Variants in CZIB observed in about 807,000 individuals in gnomAD.
CZIB encodes the protein UPF0587 protein C1orf123.
In CZIB, 26 loss-of-function variants were observed where a neutral mutation model predicts 28.3. The observed-to-expected ratio is 0.92, with a 90% CI of 0.67 to 1.27. The LOEUF is 1.27. CZIB is among the 50% of genes most tolerant of loss of function. CZIB has a pLI of 0.00. For synonymous variants in CZIB, 78 were observed against 71.1 expected (o/e 1.10, Z -0.49); for missense variants, 179 against 197.3 (o/e 0.91, Z 0.56).
chr1:53,217,695 A>C (rs1645482962), intron 5 of CZIB: 1 of 156,666 alleles, frequency 6.4e-6, no homozygotes, highest in African/African-American at 2.4e-5. Context: ...GGCACAACTC[A>C]AGATACTTTA....
intron 2 of CZIB, 44 bp downstream of exon 2, chr1:53,220,217 G>A: frequency 1.3e-6 from 2 of 1,551,772 alleles, no homozygotes; most frequent in Non-Finnish European, 1.8e-6. Flanking sequence ...TCAGCACTGA[G>A]ATCAGGACGG....
At chr1:53,216,357 A>G (rs1645473037) in intron 6 of CZIB, among the ~76,000 whole-genome samples, 1 of 152,206 alleles carries the variant, frequency 6.6e-6, no homozygotes, top group South Asian at 2.1e-4. Flanking sequence ...GTTGGACCTT[A>G]GTTATTGATA....
At position 53,220,585 on chromosome 1, in the gene CZIB, C is replaced by G. The variant is rs1430086515; in HGVS notation, c.-10G>C. Reference sequence around the variant, plus strand: ...CTCCCCTCACCCCCATGGTAGCCCTCTCCGCCCGGTGCTGGCTGCGGCCCT... The same window carrying G: ...CTCCCCTCACCCCCATGGTAGCCCTGTCCGCCCGGTGCTGGCTGCGGCCCT... On this transcript the variant is annotated 5_prime_UTR_variant, in exon 1 of 8. Transcript: ENST00000294360. 6 of 1,597,848 alleles carry G rather than the reference C, an allele frequency of 3.8e-6. No homozygotes were observed. The Admixed American group carries it at 6.7e-5, about 18-fold the overall frequency.
Position 53,218,179 on chromosome 1 carries a change from G to T in CZIB, c.254C>A (p.Pro85His), listed in dbSNP as rs745990853. ...SIEILSSTIK[P>H]YNAEDNENFK... ...CTACAGCAGCAAACTTACATTGTAA[G>T]GCTTGATGGTGCTGCTTAAAATCTC... Residue 85 changes from proline (P) to histidine (H), a missense_variant, in exon 5 of 8, where the codon CCT becomes CAT. Pro to His is a moderately conservative substitution (Grantham distance 77, BLOSUM62 -2). Transcript: ENST00000294360. 1 of 1,614,152 alleles carries T rather than the reference G, an allele frequency of 6.2e-7. No individual in the cohort carries two copies. Among genetic ancestry groups the T allele is most frequent in the African/African-American group, 1.3e-5 (1 of 75,032 alleles).
Position 53,220,564 on chromosome 1 carries a change from C to T in CZIB, c.6+6G>A. The stretch of plus-strand genomic sequence containing the variant: ...CGTGTCCCCGCGGCGGGCGGCCTCC[C>T]CTCACCCCCATGGTAGCCCTCTCCG... On this transcript the variant is annotated splice_donor_region_variant and intron_variant, in intron 1 of 7. Transcript: ENST00000294360. The T allele has an allele frequency of 1.3e-6, 2 of 1,599,136 alleles. No homozygotes were observed. Among genetic ancestry groups the T allele is most frequent in the Middle Eastern group, 1.8e-4 (1 of 5,530 alleles).
intron 6 of CZIB, 81 bp downstream of exon 6, chr1:53,216,701 C>A: frequency 1.6e-6 from 2 of 1,249,628 alleles, no homozygotes; most frequent in South Asian, 1.2e-5. Flanking sequence ...TCCATGGTAT[C>A]TGTAGGTAGC....
At chr1:53,220,427 G>A in intron 1 of CZIB, 83 bp from the exon 2 acceptor site, 1 of 1,575,650 alleles carries the variant, frequency 6.3e-7, no homozygotes. Flanking sequence ...TCCCAGCCGT[G>A]GGTGCCACAG....
rs1645492097 is a variant in CZIB, at chr1:53,218,872, G to A, written c.142C>T (p.Leu48=). Residue 48 remains leucine (L), a synonymous_variant, in exon 3 of 8, where the codon CTG becomes TTG. Coordinates refer to ENST00000294360, the MANE Select transcript of CZIB (RefSeq NM_017887.3). ...EISDKWQYIR[L]MDSVALKGGR... ...GTTGGGCGGGGAACAGTTACCATCA[G>A]CCGGATGTACTGCCACTTGTCCGAA... The A allele has an allele frequency of 1.1e-5, 18 of 1,613,148 alleles. No individual in the cohort carries two copies. Among genetic ancestry groups the A allele is most frequent in the Non-Finnish European group, 1.5e-5 (18 of 1,179,200 alleles).
At chr1:53,218,005 G>C (rs552232153) in intron 5 of CZIB, 167 bp downstream of exon 5, 1 of 728,144 alleles carries the variant, frequency 1.4e-6, no homozygotes, top group African/African-American at 1.8e-5. Flanking sequence ...AATATACCAA[G>C]CACTCAGTGT....
intron 5 of CZIB, chr1:53,217,616 G>A (rs957822138): frequency 6.5e-6 from 1 of 153,902 alleles, no homozygotes; most frequent in Non-Finnish European, 1.4e-5. Context: ...TTTTCCACTA[G>A]ATTATTATGT....
intron 3 of CZIB, 92 bp downstream of exon 3, chr1:53,218,775 G>C: frequency 7.7e-7 from 1 of 1,299,310 alleles, no homozygotes; most frequent in Non-Finnish European, 1.1e-6. Flanking sequence ...CAAAGAACTG[G>C]AGAGATGAAG....
intron 7 of CZIB, among the ~76,000 whole-genome samples, chr1:53,215,342 A>C (rs1208962157): frequency 6.6e-6 from 1 of 152,208 alleles, no homozygotes; most frequent in Non-Finnish European, 1.5e-5. Flanking sequence ...TGTCTCAAAA[A>C]ATACATAAAA....
rs1645517147 is a variant in CZIB, at chr1:53,220,560, C to CT, written c.6+9dup. The CT allele has an allele frequency of 1.9e-6, 3 of 1,599,058 alleles. No individual in the cohort carries two copies. In the South Asian group the frequency reaches 3.3e-5, roughly 18 times the overall value. ...CCTCCGTGTCCCCGCGGCGGGCGGCCTCCCCTCACCCCCATGGTAGCCCTC... is the reference window on the plus strand; with the variant it reads ...CCTCCGTGTCCCCGCGGCGGGCGGCCTTCCCCTCACCCCCATGGTAGCCCTC... On this transcript the variant is annotated intron_variant, in intron 1 of 7. Transcript: ENST00000294360.
Position 53,218,222 on chromosome 1 carries a change from C to T in CZIB, c.230-19G>A, listed in dbSNP as rs1461828618. ...AAAATCTCTGAAATAGAAAAGAGAA[C>T]ACAAAGTTGACTTGAGTCCATACCC... On this transcript the variant is annotated intron_variant, in intron 4 of 7. Transcript: ENST00000294360. The T allele has an allele frequency of 1.2e-6, 2 of 1,614,018 alleles. No individual in the cohort carries two copies. Among genetic ancestry groups the T allele is most frequent in the Admixed American group, 1.7e-5 (1 of 60,014 alleles).
At chr1:53,218,224 C>T (rs1291339744) in intron 4 of CZIB, 21 bp from the exon 5 acceptor site, 2 of 1,613,936 alleles carry the variant, frequency 1.2e-6, no homozygotes, top group South Asian at 1.1e-5. Flanking sequence ...AAAGAGAACA[C>T]AAAGTTGACT....
In CZIB at chr1:53,220,275, G is replaced by A. The variant is rs1206138477; in HGVS notation, c.76C>T (p.Arg26Trp). 1 of 1,613,450 alleles carries A rather than the reference G, an allele frequency of 6.2e-7. No homozygotes were observed. Among genetic ancestry groups the A allele is most frequent in the East Asian group, 2.2e-5 (1 of 44,870 alleles). The change falls in exon 2 of 8, where the codon CGG becomes TGG. Residue 26 changes from arginine (R) to tryptophan (W), a missense_variant. Coordinates refer to ENST00000294360, the MANE Select transcript of CZIB (RefSeq NM_017887.3). The stretch of plus-strand genomic sequence containing the variant: ...CCCGGCCGCACCTTCAGGTACCACC[G>A]GAAGTCCTCGCCCACGGGCCGGAGG... ...TNLRPVGEDF[R>W]WYLKMKCGNC...
intron 3 of CZIB, 158 bp from the exon 4 acceptor site, chr1:53,218,653 A>C (rs1016642760): frequency 2.8e-5 from 23 of 833,672 alleles, no homozygotes; most frequent in Non-Finnish European, 4.1e-5. Context: ...GAGGAAAATA[A>C]AAAAAGGGCT....
At chr1:53,219,322 AG>A (rs140911860) in intron 2 of CZIB, 6,267 of 222,832 alleles carry the variant, frequency 0.028, 128 homozygotes, top group South Asian at 0.065. Context: ...AATAATATAT[AG>A]TTTCAAATAG....
At chr1:53,216,113 A>T in intron 6 of CZIB, 57 bp from the exon 7 acceptor site, 1 of 1,558,864 alleles carries the variant, frequency 6.4e-7, no homozygotes, top group South Asian at 1.1e-5. Flanking sequence ...TTGGGCTATA[A>T]GTAAGGGCCG....
Sources: gnomAD v4.1 joint callset for allele counts (sites outside exome capture counted in the v4.1 genomes callset) on GRCh38, gnomAD v4.1.1 for gene constraint, MANE v1.5 for transcripts, NCBI Gene and HGNC (gene_info 2026-07-23, HGNC 2026-07-21) for gene names.